NUP160: variants seen among roughly 807,000 people sequenced by gnomAD.
The protein encoded by NUP160 is nuclear pore complex protein Nup160.
A neutral mutation model predicts 196.9 loss-of-function variants in NUP160; 94 were observed. The ratio of observed to expected loss-of-function variants is 0.48; its 90% CI spans 0.40 to 0.57. The LOEUF (loss-of-function observed/expected upper bound fraction) is 0.57, where lower values mean the gene tolerates loss of function less well. Among genes scored for constraint, NUP160 ranks in the 20% least tolerant of loss-of-function variants. NUP160 has a pLI of 0.00. For missense variants in NUP160, 1,638 were observed against 1,748.3 expected, an observed-to-expected ratio of 0.94 and a Z score of 1.13; for synonymous variants, 605 against 619.7, an observed-to-expected ratio of 0.98 and a Z score of 0.35.
At position 47,798,771 on chromosome 11, in the gene NUP160, A is replaced by T. The variant is rs189646307; in HGVS notation, c.2896-308T>A. Among the ~76,000 whole-genome samples the T allele has an allele frequency of 6.6e-5, 10 of 152,178 alleles. 1 individual carries two copies. The highest frequency in any genetic ancestry group is 5.2e-4 in the Admixed American group (8 of 15,266). ...CTTGAACCCAGGAGTTCAAGGTTGCAGTGAACTTTAATCCTGCCACTGCAT... is the reference window on the plus strand; with the variant it reads ...CTTGAACCCAGGAGTTCAAGGTTGCTGTGAACTTTAATCCTGCCACTGCAT... On this transcript the variant is annotated intron_variant, in intron 23 of 35. Coordinates refer to ENST00000378460, the Ensembl canonical transcript of NUP160.
rs867078831 is a variant in NUP160 at position 47,782,335 on chromosome 11, T to A, written c.4116+738A>T. 7.2e-3 allele frequency among the ~76,000 whole-genome samples: 605 copies of A among 83,774 alleles called. 24 individuals are homozygous for A. Among genetic ancestry groups the A allele is most frequent in the Middle Eastern group, 0.021 (3 of 140 alleles). The allele number at this position is 83,774 out of a possible 152,430, so 55.0% of individuals were successfully genotyped here. On this transcript the variant is annotated intron_variant, in intron 34 of 35. Coordinates refer to ENST00000378460, the Ensembl canonical transcript of NUP160. ...ATATATATATATATATATATATATA[T>A]ATATATATATATATATATATATGCG...
intron 18 of NUP160, among the ~76,000 whole-genome samples, chr11:47,808,126 A>G (rs1258554600): frequency 6.6e-6 from 1 of 152,156 alleles, no homozygotes. Context: ...CTACAAAAGT[A>G]CAAAATTAGC....
chr11:47,841,538 G>C (rs1852297534), intron 2 of NUP160: 1 of 425,808 alleles, frequency 2.3e-6, no homozygotes, highest in Non-Finnish European at 4.7e-6. Context: ...CAACATGTGA[G>C]CTGAAAAACT....
intron 34 of NUP160, among the ~76,000 whole-genome samples, chr11:47,782,303 A>AATATATATATAT (rs10529981): frequency 7.4e-5 from 3 of 40,528 alleles, no homozygotes; most frequent in Non-Finnish European, 1.3e-4. Flanking sequence ...AAAAAAAAAA[A>AATATATATATAT]ATATATATAT....
intron 9 of NUP160, among the ~76,000 whole-genome samples, chr11:47,820,544 T>C (rs2135383628): frequency 6.6e-6 from 1 of 152,084 alleles, no homozygotes; most frequent in East Asian, 1.9e-4. Context: ...GTTTATTTTA[T>C]TTATTTATAT....
chr11:47,788,130 G>A, intron 31 of NUP160, 52 bp downstream of exon 31: 2 of 1,478,532 alleles, frequency 1.4e-6, no homozygotes, highest in Non-Finnish European at 1.9e-6. Flanking sequence ...CTGAGCAAGA[G>A]GATAATATAT....
chr11:47,824,542 G>A (rs922689708), intron 7 of NUP160, among the ~76,000 whole-genome samples: 2 of 151,890 alleles, frequency 1.3e-5, no homozygotes, highest in African/African-American at 2.4e-5. Context: ...CCCGGGAGGC[G>A]GAGCTTGCAG....
At chr11:47,815,957 C>T in exon 12 of NUP160, 1 of 1,612,754 alleles carries the variant, frequency 6.2e-7, no homozygotes, top group Non-Finnish European at 8.5e-7. Context: ...TCATTTTCAA[C>T]AGCTAAAGTA....
intron 2 of NUP160, among the ~76,000 whole-genome samples, chr11:47,847,065 C>T (rs1215754530): frequency 6.6e-6 from 1 of 152,074 alleles, no homozygotes; most frequent in African/African-American, 2.4e-5. Context: ...CCTCATGGTC[C>T]GAGTCCTGCC....
chr11:47,840,425 T>C (rs2135402954), exon 3 of NUP160: 1 of 1,614,182 alleles, frequency 6.2e-7, no homozygotes, highest in South Asian at 1.1e-5. Context: ...CTGTGCACTG[T>C]TTGATTGGTT....
intron 31 of NUP160, chr11:47,787,143 A>AGTG (rs1206776158): frequency 6.8e-6 from 1 of 146,026 alleles, no homozygotes; most frequent in African/African-American, 2.5e-5. Context: ...GCTGGAGTGC[A>AGTG]GTGGCGCAAT....
At chr11:47,805,882 G>A (rs937956344) in intron 20 of NUP160, among the ~76,000 whole-genome samples, 20 of 151,718 alleles carry the variant, frequency 1.3e-4, no homozygotes, top group African/African-American at 2.9e-4. Context: ...GTGTGGTGGC[G>A]CGAGCTTGGC....
chr11:47,841,619 G>A (rs1384228088), intron 2 of NUP160: 6 of 427,496 alleles, frequency 1.4e-5, no homozygotes, highest in African/African-American at 2.1e-5. Context: ...AAGGCCATGT[G>A]ATCCTGGAAC....
intron 7 of NUP160, among the ~76,000 whole-genome samples, chr11:47,833,923 TCACTC>T (rs1388257333): frequency 6.6e-6 from 1 of 152,228 alleles, no homozygotes; most frequent in Non-Finnish European, 1.5e-5. Context: ...GCTTCAGACT[TCACTC>T]CATGTGCCTT....
chr11:47,844,678 T>A (rs1852366116), intron 2 of NUP160, among the ~76,000 whole-genome samples: 1 of 152,212 alleles, frequency 6.6e-6, no homozygotes, highest in Non-Finnish European at 1.5e-5. Flanking sequence ...CTTATGCTGT[T>A]CCCTTTTTCC....
rs1405048876 is a variant in NUP160, at chr11:47,836,877, T to C, written c.942+10A>G. On this transcript the variant is annotated intron_variant, in intron 6 of 35. Coordinates refer to ENST00000378460, the Ensembl canonical transcript of NUP160. ...TTTTAACTTACAGCAACTATAAATG[T>C]AGCACTTACCTTGTAAGACCACATT... The C allele has an allele frequency of 3.4e-6, 5 of 1,478,316 alleles. No individual in the cohort carries two copies. In the Admixed American group the frequency reaches 5.1e-5, roughly 15 times the overall value. The allele number at this position is 1,478,316 out of a possible 1,614,324, so 91.6% of individuals were successfully genotyped here. A position where few individuals can be genotyped will look rare whatever the true frequency, so the allele number is the denominator to read the frequency against.
chr11:47,829,554 A>G (rs904808578), intron 7 of NUP160, among the ~76,000 whole-genome samples: 1 of 152,104 alleles, frequency 6.6e-6, no homozygotes, highest in Non-Finnish European at 1.5e-5. Context: ...TGATCTACCC[A>G]CCTTGGCCTC....
At chr11:47,822,620 C>T (rs952051081) in intron 7 of NUP160, among the ~76,000 whole-genome samples, 1 of 151,426 alleles carries the variant, frequency 6.6e-6, no homozygotes, top group Admixed American at 6.6e-5. Flanking sequence ...ATGTGCACAA[C>T]GTGCAGGTTT....
At chr11:47,782,306 AT>A (rs2097661736) in intron 34 of NUP160, among the ~76,000 whole-genome samples, 8 of 42,318 alleles carry the variant, frequency 1.9e-4, no homozygotes, top group African/African-American at 6.7e-4. Context: ...AAAAAAAAAT[AT>A]ATATATATAT....
Sources: allele counts gnomAD v4.1 joint callset (sites outside exome capture counted in the v4.1 genomes callset), GRCh38; gene constraint gnomAD v4.1.1; transcripts MANE v1.5; gene names NCBI Gene and HGNC (gene_info 2026-07-23, HGNC 2026-07-21).